NXPE2: variants seen among roughly 807,000 people sequenced by gnomAD.
NXPE2 encodes the protein neurexophilin and PC-esterase domain family member 2, also known as NXPE family member 2.
In NXPE2, 34 loss-of-function variants were observed where a neutral mutation model predicts 34.4. That is an observed-to-expected ratio of 0.99 (90% CI 0.75 to 1.31). The LOEUF is 1.31. Among genes scored for constraint, NXPE2 ranks in the 40% most tolerant of loss-of-function variants. The pLI is 0.00. For synonymous variants in NXPE2, 235 were observed against 231.3 expected, an observed-to-expected ratio of 1.02 and a Z score of -0.15; for missense variants, 649 against 672.5, an observed-to-expected ratio of 0.97 and a Z score of 0.39.
downstream of NXPE2, among the ~76,000 whole-genome samples, chr11:114,710,945 A>T (rs928622051): frequency 1.3e-4 from 20 of 152,220 alleles, no homozygotes; most frequent in African/African-American, 4.8e-4. Flanking sequence ...AACATATGAA[A>T]ATCAGTCAAT....
chr11:114,788,761 C>T, the NXPE2 span, among the ~76,000 whole-genome samples: 1 of 152,204 alleles, frequency 6.6e-6, no homozygotes, highest in Non-Finnish European at 1.5e-5. Context: ...AGGGTGAGCT[C>T]TTTATCACCC....
downstream of NXPE2, among the ~76,000 whole-genome samples, chr11:114,707,224 T>C (rs1481781463): frequency 3.3e-5 from 5 of 152,106 alleles, no homozygotes; most frequent in Non-Finnish European, 7.4e-5. Flanking sequence ...CCCAAGTAGC[T>C]GGGATTACAG....
chr11:114,616,514 G>A, the NXPE2 span, among the ~76,000 whole-genome samples: 7 of 151,636 alleles, frequency 4.6e-5, no homozygotes, highest in South Asian at 1.2e-3. Context: ...TGGATAATAT[G>A]TATTGTCTGG....
At chr11:114,630,606 G>C in the NXPE2 span, among the ~76,000 whole-genome samples, 1 of 151,282 alleles carries the variant, frequency 6.6e-6, no homozygotes, top group East Asian at 1.9e-4. Flanking sequence ...TCAGGACATA[G>C]GCATGGGCAA....
the NXPE2 span, among the ~76,000 whole-genome samples, chr11:114,630,920 A>T: frequency 6.6e-6 from 1 of 151,846 alleles, no homozygotes. Flanking sequence ...AACACATGAA[A>T]AAATGCTCAC....
chr11:114,740,567 C>A, the NXPE2 span, among the ~76,000 whole-genome samples: 1 of 151,992 alleles, frequency 6.6e-6, no homozygotes, highest in Non-Finnish European at 1.5e-5. Context: ...AATGACTATA[C>A]CAATTTACAT....
chr11:114,548,020 T>C, the NXPE2 span, among the ~76,000 whole-genome samples: 1 of 151,590 alleles, frequency 6.6e-6, no homozygotes, highest in African/African-American at 2.4e-5. Flanking sequence ...AACAATTAAA[T>C]ACCACATTAA....
the NXPE2 span, among the ~76,000 whole-genome samples, chr11:114,487,781 G>GT: frequency 6.6e-6 from 1 of 151,868 alleles, no homozygotes; most frequent in African/African-American, 2.4e-5. Context: ...TGATCGTATG[G>GT]TTTTTGTATG....
the NXPE2 span, among the ~76,000 whole-genome samples, chr11:114,662,848 T>C: frequency 6.6e-6 from 1 of 152,154 alleles, no homozygotes; most frequent in African/African-American, 2.4e-5. Context: ...TGGCAACAGT[T>C]ATCACCTGCT....
the NXPE2 span, among the ~76,000 whole-genome samples, chr11:114,759,111 C>A: frequency 6.6e-6 from 1 of 152,134 alleles, no homozygotes. Context: ...CACACACTCT[C>A]TCTCTGTCTC....
the NXPE2 span, chr11:114,583,829 G>A: frequency 2.4e-6 from 1 of 408,394 alleles, no homozygotes; most frequent in Non-Finnish European, 4.7e-6. Flanking sequence ...TACAGGCTAG[G>A]CCAGGACTGT....
At chr11:114,800,462 A>AT in the NXPE2 span, among the ~76,000 whole-genome samples, 201 of 151,934 alleles carry the variant, frequency 1.3e-3, 1 homozygote, top group African/African-American at 4.3e-3. Context: ...TGTTAAACTG[A>AT]TTTTTTTTGC....
chr11:114,503,476 C>T, the NXPE2 span, among the ~76,000 whole-genome samples: 33 of 151,906 alleles, frequency 2.2e-4, no homozygotes, highest in African/African-American at 7.7e-4. Flanking sequence ...CAGGAAACAA[C>T]TGAATTCTGT....
At chr11:114,582,258 C>T in the NXPE2 span, 1 of 1,531,144 alleles carries the variant, frequency 6.5e-7, no homozygotes, top group Non-Finnish European at 8.8e-7. Context: ...AATATTTGCA[C>T]AGGTAGTCTC....
chr11:114,705,343 A>G (rs1951451684), intron 4 of NXPE2, among the ~76,000 whole-genome samples: 1 of 152,260 alleles, frequency 6.6e-6, no homozygotes, highest in South Asian at 2.1e-4. Flanking sequence ...TCATTTCATA[A>G]ACACATTCAA....
At chr11:114,765,449 T>C in the NXPE2 span, among the ~76,000 whole-genome samples, 1 of 150,308 alleles carries the variant, frequency 6.7e-6, no homozygotes, top group Non-Finnish European at 1.5e-5. Context: ...ATTTCTTAGA[T>C]ATAATGCTGT....
At chr11:114,784,023 C>CTAAT in the NXPE2 span, among the ~76,000 whole-genome samples, 2 of 152,164 alleles carry the variant, frequency 1.3e-5, no homozygotes, top group Non-Finnish European at 2.9e-5. Context: ...CAGGCATGTT[C>CTAAT]TAATTGCTTT....
intron 3 of NXPE2, among the ~76,000 whole-genome samples, chr11:114,703,379 C>T (rs773607030): frequency 1.1e-4 from 16 of 152,126 alleles, no homozygotes; most frequent in Non-Finnish European, 2.2e-4. Context: ...AAGTAATGTC[C>T]GTAGACCATT....
chr11:114,643,372 G>A, the NXPE2 span, among the ~76,000 whole-genome samples: 2 of 152,090 alleles, frequency 1.3e-5, no homozygotes, highest in Non-Finnish European at 2.9e-5. Flanking sequence ...TTTTCTTCTA[G>A]TGTTTTTATA....
Sources: gnomAD v4.1 joint callset for allele counts (sites outside exome capture counted in the v4.1 genomes callset) on GRCh38, gnomAD v4.1.1 for gene constraint, MANE v1.5 for transcripts, NCBI Gene and HGNC (gene_info 2026-07-23, HGNC 2026-07-21) for gene names.